MTF1: variants seen among roughly 807,000 people sequenced by gnomAD.
MTF1 encodes MRE-binding transcription factor.
In MTF1, 22 loss-of-function variants were observed where a neutral mutation model predicts 70.4. The ratio of observed to expected loss-of-function variants is 0.31; its 90% CI spans 0.22 to 0.45. The LOEUF is 0.45. MTF1 is among the 20% of genes least tolerant of loss of function. The pLI is 1.00. For missense variants in MTF1, 649 were observed against 922.0 expected (o/e 0.70, Z 3.83); for synonymous variants, 333 against 352.8 (o/e 0.94, Z 0.63).
intron 2 of MTF1, chr1:37,841,005 G>A: frequency 9.2e-6 from 2 of 217,486 alleles, no homozygotes; most frequent in Non-Finnish European, 1.8e-5. Flanking sequence ...ACCAAGCTGG[G>A]CTGCCTGGTC....
At chr1:37,828,111 C>T in intron 7 of MTF1, 1 of 365,872 alleles carries the variant, frequency 2.7e-6, no homozygotes, top group Non-Finnish European at 5.2e-6. Context: ...ATTTCTTAAA[C>T]ATAATGTTAT....
In MTF1 at chr1:37,857,551, C is replaced by A; in HGVS notation, c.108G>T (p.Val36=). Residue 36 remains valine (V), a synonymous_variant, in exon 2 of 11, where the codon GTG becomes GTT. Transcript: ENST00000373036. The stretch of plus-strand genomic sequence containing the variant: ...CATAAACAGTTCCAGATGAGGAAGG[C>A]ACCAGTCCGTTTTTATCCACAAACC... ...MLRFVDKNGL[V]PSSSGTVYDR... 1.2e-6 allele frequency: 2 copies of A among 1,614,228 alleles called. No homozygotes were observed. Among genetic ancestry groups the A allele is most frequent in the Non-Finnish European group, 1.7e-6 (2 of 1,180,052 alleles).
intron 2 of MTF1, among the ~76,000 whole-genome samples, chr1:37,850,868 G>A (rs1218691586): frequency 6.6e-6 from 1 of 152,064 alleles, no homozygotes; most frequent in African/African-American, 2.4e-5. Context: ...TGCTTGGGAA[G>A]CCAAGAAGAC....
intron 7 of MTF1, among the ~76,000 whole-genome samples, chr1:37,827,439 G>T (rs763438045): frequency 2.0e-5 from 3 of 151,654 alleles, no homozygotes; most frequent in Non-Finnish European, 4.4e-5. Context: ...CTCACTGCAA[G>T]CTCCACCTCC....
chr1:37,813,872 A>G lies in MTF1; in HGVS notation c.*1264T>C, dbSNP rs1640773828. 6.5e-6 allele frequency: 1 copy of G among 152,704 alleles called. No homozygotes were observed. Among genetic ancestry groups the G allele is most frequent in the Non-Finnish European group, 1.5e-5 (1 of 68,056 alleles). 9.5% of individuals were successfully genotyped at this position (152,704 alleles called of 1,614,324 possible). A position where few individuals can be genotyped will look rare whatever the true frequency, so the allele number is the denominator to read the frequency against. ...TAACACACACACACAATTTTTTCCT[A>G]TAACACAACTTAATGAAACATTCCA... On this transcript the variant is annotated 3_prime_UTR_variant, in exon 11 of 11. Coordinates refer to ENST00000373036, the MANE Select transcript of MTF1 (RefSeq NM_005955.3).
intron 2 of MTF1, among the ~76,000 whole-genome samples, chr1:37,843,415 A>T (rs537334069): frequency 6.6e-6 from 1 of 152,314 alleles, no homozygotes; most frequent in South Asian, 2.1e-4. Flanking sequence ...AAGATTTAAA[A>T]GCCCGGGAGG....
chr1:37,838,613 A>G lies in MTF1; in HGVS notation c.779+12T>C, dbSNP rs1479601071. On this transcript the variant is annotated intron_variant, in intron 4 of 10. Coordinates refer to ENST00000373036, the MANE Select transcript of MTF1 (RefSeq NM_005955.3). The stretch of plus-strand genomic sequence containing the variant: ...ACCTGGTCAGTGACAAATAGAAAAC[A>G]GTAAGACCTACCGAAATGGCTTTTC... The G allele has an allele frequency of 2.5e-6, 4 of 1,608,976 alleles. No individual in the cohort carries two copies. Among genetic ancestry groups the G allele is most frequent in the Non-Finnish European group, 2.5e-6 (3 of 1,176,704 alleles).
chr1:37,823,638 G>T, intron 8 of MTF1, 72 bp downstream of exon 8: 1 of 1,158,230 alleles, frequency 8.6e-7, no homozygotes, highest in Non-Finnish European at 1.3e-6. Flanking sequence ...TAACTAGAAT[G>T]ATTCATTGTG....
intron 2 of MTF1, among the ~76,000 whole-genome samples, chr1:37,848,170 G>A (rs1641361983): frequency 6.6e-6 from 1 of 152,018 alleles, no homozygotes; most frequent in African/African-American, 2.4e-5. Context: ...TTGTTAAACT[G>A]GACATTACCT....
intron 9 of MTF1, among the ~76,000 whole-genome samples, chr1:37,819,345 G>A (rs768348280): frequency 4.0e-5 from 6 of 151,800 alleles, no homozygotes; most frequent in Non-Finnish European, 8.8e-5. Context: ...ATTTAAGACC[G>A]GGCGCGGTGG....
rs933178226 is a variant in MTF1, at chr1:37,822,721, C to T, written c.1172-5G>A. On this transcript the variant is annotated splice_polypyrimidine_tract_variant and splice_region_variant and intron_variant, in intron 8 of 10. Transcript: ENST00000373036. ...TAAAACTTTCAGTCAAGGAAGCTGG[C>T]AAGAAAAAGAAATAGAAATATATAT... The T allele has an allele frequency of 6.3e-7, 1 of 1,594,264 alleles. No homozygotes were observed. The highest frequency in any genetic ancestry group is 1.7e-5 in the Admixed American group (1 of 59,404).
In MTF1 at chr1:37,813,288, A is replaced by T. The variant is rs1357754023; in HGVS notation, c.*1848T>A. 1 of 151,876 alleles carries T rather than the reference A, an allele frequency of 6.6e-6. No individual in the cohort carries two copies. The highest frequency in any genetic ancestry group is 1.5e-5 in the Non-Finnish European group (1 of 68,032). 9.4% of individuals were successfully genotyped at this position (151,876 alleles called of 1,614,324 possible). A position where few individuals can be genotyped will look rare whatever the true frequency, so the allele number is the denominator to read the frequency against. On this transcript the variant is annotated 3_prime_UTR_variant, in exon 11 of 11. Transcript: ENST00000373036. ...GCAAAACTCTGTCTCAAAAAAAAAA[A>T]GAAGTCAATTATTCTGGCTAGGGTC...
chr1:37,829,124 C>CT (rs34618286), intron 7 of MTF1, among the ~76,000 whole-genome samples: 208 of 146,646 alleles, frequency 1.4e-3, no homozygotes, highest in African/African-American at 3.8e-3. Flanking sequence ...TCTTTTTTTT[C>CT]TTTTTTTTTT....
chr1:37,825,834 T>A (rs994534152), intron 7 of MTF1, among the ~76,000 whole-genome samples: 9 of 152,214 alleles, frequency 5.9e-5, no homozygotes, highest in African/African-American at 2.2e-4. Flanking sequence ...TAGCTTACTT[T>A]AAGAATACAA....
chr1:37,830,773 T>C (rs769769496), intron 7 of MTF1, among the ~76,000 whole-genome samples: 60 of 152,358 alleles, frequency 3.9e-4, no homozygotes, highest in Admixed American at 1.2e-3. Flanking sequence ...TGGATGCAGC[T>C]ATGATCTTTG....
At chr1:37,828,454 G>A (rs1039970734) in intron 7 of MTF1, among the ~76,000 whole-genome samples, 12 of 152,142 alleles carry the variant, frequency 7.9e-5, no homozygotes, top group Non-Finnish European at 1.0e-4. Flanking sequence ...ACAGGCGCCC[G>A]CCACCACACC....
intron 7 of MTF1, among the ~76,000 whole-genome samples, chr1:37,824,809 T>A (rs1019116418): frequency 2.5e-4 from 38 of 152,270 alleles, no homozygotes; most frequent in Middle Eastern, 3.4e-3. Context: ...TATGTATGCA[T>A]GGTAATAAAC....
chr1:37,838,961 C>T (rs925636798), intron 3 of MTF1, among the ~76,000 whole-genome samples: 8 of 151,674 alleles, frequency 5.3e-5, no homozygotes, highest in Admixed American at 2.0e-4. Context: ...CCCACAACCA[C>T]GCCTGGCTAA....
At chr1:37,853,231 A>G (rs569248244) in intron 2 of MTF1, among the ~76,000 whole-genome samples, 2 of 152,258 alleles carry the variant, frequency 1.3e-5, no homozygotes, top group South Asian at 2.1e-4. Context: ...GACACCTCCA[A>G]TGGTTTCCCA....
Sources: allele counts gnomAD v4.1 joint callset (sites outside exome capture counted in the v4.1 genomes callset), GRCh38; gene constraint gnomAD v4.1.1; transcripts MANE v1.5; gene names NCBI Gene and HGNC (gene_info 2026-07-23, HGNC 2026-07-21).